The following NELL1 variants were observed in gnomAD, a reference collection of about 807,000 sequenced individuals.
NELL1 encodes the protein neural EGFL like 1, also known as protein kinase C-binding protein NELL1.
NELL1 carries 76 observed loss-of-function variants against 107.4 expected under a neutral mutation model. The observed-to-expected ratio is 0.71, with a 90% CI of 0.59 to 0.86. The LOEUF (loss-of-function observed/expected upper bound fraction) is 0.86, where lower values mean the gene tolerates loss of function less well. Among genes scored for constraint, NELL1 ranks in the 40% least tolerant of loss-of-function variants. The pLI is 0.00. For synonymous variants in NELL1, 353 were observed against 341.2 expected (o/e 1.03, Z -0.38); for missense variants, 1,024 against 1,005.5 (o/e 1.02, Z -0.25).
chr11:21,372,979 G>A (rs1250395204), intron 15 of NELL1, among the ~76,000 whole-genome samples: 1 of 151,900 alleles, frequency 6.6e-6, no homozygotes, highest in Non-Finnish European at 1.5e-5. Context: ...CAAGACCAGG[G>A]AAAAAGTTAG....
At chr11:20,673,177 G>A (rs1243550282) in intron 1 of NELL1, among the ~76,000 whole-genome samples, 1 of 151,938 alleles carries the variant, frequency 6.6e-6, no homozygotes, top group African/African-American at 2.4e-5. Flanking sequence ...ATTTTCTTTT[G>A]GAAGGAACTC....
At chr11:20,832,719 A>G (rs1858038250) in intron 3 of NELL1, among the ~76,000 whole-genome samples, 1 of 152,240 alleles carries the variant, frequency 6.6e-6, no homozygotes, top group Non-Finnish European at 1.5e-5. Context: ...AATAATGATG[A>G]CAATAATAAT....
intron 10 of NELL1, 149 bp downstream of exon 10, chr11:20,938,008 C>A: frequency 1.5e-6 from 1 of 687,978 alleles, no homozygotes; most frequent in Non-Finnish European, 2.5e-6. Flanking sequence ...TACATGATGG[C>A]GAGGATCCAG....
At chr11:21,143,263 A>G (rs1460266641) in intron 13 of NELL1, among the ~76,000 whole-genome samples, 1 of 152,198 alleles carries the variant, frequency 6.6e-6, no homozygotes, top group African/African-American at 2.4e-5. Context: ...TTTTATTATC[A>G]TAATAGCTTG....
intron 3 of NELL1, among the ~76,000 whole-genome samples, chr11:20,811,730 C>G (rs530758163): frequency 6.6e-6 from 1 of 152,030 alleles, no homozygotes; most frequent in Non-Finnish European, 1.5e-5. Context: ...ATTTCTTTTT[C>G]AAATAATCAA....
At chr11:21,169,787 G>C in intron 13 of NELL1, 3 of 1,323,542 alleles carry the variant, frequency 2.3e-6, no homozygotes, top group Non-Finnish European at 3.1e-6. Flanking sequence ...CCTCCTGCCG[G>C]GCACCCGGAG....
At chr11:20,837,814 T>A (rs1373258639) in intron 3 of NELL1, among the ~76,000 whole-genome samples, 1 of 152,108 alleles carries the variant, frequency 6.6e-6, no homozygotes, top group African/African-American at 2.4e-5. Context: ...ACTGATATAA[T>A]AAGTGTTTGA....
chr11:21,170,519 C>T (rs1025657404), intron 13 of NELL1, among the ~76,000 whole-genome samples: 1 of 151,718 alleles, frequency 6.6e-6, no homozygotes, highest in African/African-American at 2.4e-5. Flanking sequence ...TGTTTTCTGT[C>T]ACATTTACCT....
chr11:20,814,128 T>C (rs1857567284), intron 3 of NELL1, among the ~76,000 whole-genome samples: 1 of 151,826 alleles, frequency 6.6e-6, no homozygotes, highest in East Asian at 1.9e-4. Flanking sequence ...CCCGAGTAGT[T>C]GGGACTACAG....
At chr11:21,572,473 A>C (rs1407912004) in intron 18 of NELL1, among the ~76,000 whole-genome samples, 1 of 128,290 alleles carries the variant, frequency 7.8e-6, no homozygotes, top group Non-Finnish European at 1.5e-5. Context: ...CAATTAAATA[A>C]GTTGCCATAT....
intron 16 of NELL1, among the ~76,000 whole-genome samples, chr11:21,543,287 A>G (rs1417294273): frequency 6.6e-6 from 1 of 152,088 alleles, no homozygotes; most frequent in African/African-American, 2.4e-5. Context: ...TAAATTCTGT[A>G]TTATTGAAGA....
At chr11:21,030,923 G>T (rs867153402) in intron 12 of NELL1, among the ~76,000 whole-genome samples, 14 of 152,030 alleles carry the variant, frequency 9.2e-5, no homozygotes, top group Admixed American at 2.0e-4. Flanking sequence ...TAGGAACAGG[G>T]TTCTGCTGTG....
At chr11:21,158,304 G>C (rs1856289400) in intron 13 of NELL1, among the ~76,000 whole-genome samples, 1 of 152,080 alleles carries the variant, frequency 6.6e-6, no homozygotes, top group Non-Finnish European at 1.5e-5. Context: ...GGTCTGTTGT[G>C]GGACTTCGCT....
At chr11:20,969,825 C>T (rs1851458692) in intron 12 of NELL1, among the ~76,000 whole-genome samples, 2 of 151,726 alleles carry the variant, frequency 1.3e-5, no homozygotes, top group African/African-American at 4.8e-5. Flanking sequence ...AAAATAAAGG[C>T]CTTACTTTAC....
At chr11:21,414,887 A>G (rs375845454) in intron 15 of NELL1, among the ~76,000 whole-genome samples, 3 of 152,050 alleles carry the variant, frequency 2.0e-5, no homozygotes, top group Non-Finnish European at 4.4e-5. Flanking sequence ...AGGCAACTAC[A>G]TTTACTAGGA....
intron 15 of NELL1, among the ~76,000 whole-genome samples, chr11:21,530,172 A>G (rs530677100): frequency 6.6e-6 from 1 of 152,290 alleles, no homozygotes; most frequent in African/African-American, 2.4e-5. Flanking sequence ...TCATGACTCA[A>G]TATCACCCTA....
chr11:21,133,227 C>G (rs934341575), intron 13 of NELL1, among the ~76,000 whole-genome samples: 6 of 152,174 alleles, frequency 3.9e-5, no homozygotes, highest in Admixed American at 3.3e-4. Flanking sequence ...CCTGACCTCT[C>G]TCTTTGAGTC....
At chr11:21,212,996 G>A (rs753988736) in intron 13 of NELL1, among the ~76,000 whole-genome samples, 4 of 152,124 alleles carry the variant, frequency 2.6e-5, no homozygotes, top group Non-Finnish European at 5.9e-5. Flanking sequence ...ACTAATAAAT[G>A]AGTTCATCAA....
At chr11:21,427,326 T>C (rs1400610350) in intron 15 of NELL1, among the ~76,000 whole-genome samples, 1 of 152,212 alleles carries the variant, frequency 6.6e-6, no homozygotes, top group African/African-American at 2.4e-5. Context: ...ATCAAGTTGA[T>C]GTAACAAAAT....
Sources: allele counts gnomAD v4.1 joint callset (sites outside exome capture counted in the v4.1 genomes callset), GRCh38; gene constraint gnomAD v4.1.1; transcripts MANE v1.5; gene names NCBI Gene and HGNC (gene_info 2026-07-23, HGNC 2026-07-21).